Variants in PRR16 observed in about 807,000 individuals in gnomAD.
The protein encoded by PRR16 is proline rich 16.
In PRR16, 6 loss-of-function variants were observed where a neutral mutation model predicts 18.2. The observed-to-expected ratio is 0.33, with a 90% confidence interval of 0.18 to 0.65. The LOEUF (loss-of-function observed/expected upper bound fraction) is 0.65. Among genes scored for constraint, PRR16 ranks in the 30% least tolerant of loss-of-function variants. The pLI is 0.74. For synonymous variants in PRR16, 151 were observed against 147.8 expected, an observed-to-expected ratio of 1.02 and a Z score of -0.16; for missense variants, 412 against 376.6, an observed-to-expected ratio of 1.09 and a Z score of -0.78.
At chr5:120,501,955 C>CAAAAA (rs548770948) in intron 1 of PRR16, among the ~76,000 whole-genome samples, 14 of 44,062 alleles carry the variant, frequency 3.2e-4, no homozygotes, top group Non-Finnish European at 4.0e-4. Context: ...TACTCCGTCT[C>CAAAAA]AAAAAAAAAA....
intron 1 of PRR16, among the ~76,000 whole-genome samples, chr5:120,631,731 C>A (rs956965402): frequency 1.3e-5 from 2 of 152,086 alleles, no homozygotes; most frequent in African/African-American, 4.8e-5. Flanking sequence ...ATCCCTGCCC[C>A]GACCTGATGG....
At chr5:120,532,280 A>G (rs898126142) in intron 1 of PRR16, among the ~76,000 whole-genome samples, 2 of 152,136 alleles carry the variant, frequency 1.3e-5, no homozygotes, top group African/African-American at 4.8e-5. Flanking sequence ...TTACTTATAT[A>G]TAGTTTCTTT....
the PRR16 span, among the ~76,000 whole-genome samples, chr5:120,717,824 G>A: frequency 6.6e-6 from 1 of 152,040 alleles, no homozygotes; most frequent in Non-Finnish European, 1.5e-5. Context: ...ATGTCAGAAC[G>A]AAAACTTTAT....
chr5:120,537,769 GT>G (rs71623210), intron 1 of PRR16, among the ~76,000 whole-genome samples: 74,085 of 114,660 alleles, frequency 0.65, 23,548 homozygotes, highest in East Asian at 0.78. Flanking sequence ...AATTTTTAAT[GT>G]TTTTTTTTTT....
the PRR16 span, among the ~76,000 whole-genome samples, chr5:120,714,054 T>C: frequency 6.6e-6 from 1 of 152,068 alleles, no homozygotes; most frequent in Non-Finnish European, 1.5e-5. Context: ...TAAGGAAAAA[T>C]TCTGTAATGT....
At chr5:120,730,993 G>A in the PRR16 span, among the ~76,000 whole-genome samples, 5 of 152,146 alleles carry the variant, frequency 3.3e-5, no homozygotes, top group East Asian at 9.7e-4. Flanking sequence ...TGAATATTGA[G>A]GAGTATGATT....
At chr5:120,678,057 C>T (rs955796661) in intron 1 of PRR16, among the ~76,000 whole-genome samples, 7 of 151,778 alleles carry the variant, frequency 4.6e-5, no homozygotes, top group South Asian at 2.1e-4. Context: ...CTACAGGCGC[C>T]GGCCACCACG....
downstream of PRR16, among the ~76,000 whole-genome samples, chr5:120,690,192 C>T (rs1442273558): frequency 6.6e-6 from 1 of 152,140 alleles, no homozygotes; most frequent in Non-Finnish European, 1.5e-5. Context: ...ACTAGAGCAG[C>T]AGCTACTCAC....
chr5:120,542,015 A>C (rs773770235), intron 1 of PRR16, among the ~76,000 whole-genome samples: 11 of 152,064 alleles, frequency 7.2e-5, no homozygotes, highest in Non-Finnish European at 1.2e-4. Context: ...TGTTGAAACC[A>C]AATGATTGAC....
intron 1 of PRR16, among the ~76,000 whole-genome samples, chr5:120,675,175 T>G (rs537945084): frequency 6.6e-6 from 1 of 152,316 alleles, no homozygotes; most frequent in Admixed American, 6.5e-5. Context: ...TCTTCCCACA[T>G]ATGGAGCAAG....
chr5:120,646,444 C>T (rs556279941), intron 1 of PRR16, among the ~76,000 whole-genome samples: 14 of 151,868 alleles, frequency 9.2e-5, no homozygotes, highest in Admixed American at 2.0e-4. Context: ...GTACAGGGAC[C>T]GTCATTAGCA....
At chr5:120,642,008 C>G (rs1288860759) in intron 1 of PRR16, among the ~76,000 whole-genome samples, 1 of 152,044 alleles carries the variant, frequency 6.6e-6, no homozygotes, top group Non-Finnish European at 1.5e-5. Flanking sequence ...CAGGTGCCTT[C>G]TGTAGCCTTC....
At chr5:120,780,591 C>A in the PRR16 span, among the ~76,000 whole-genome samples, 1 of 152,154 alleles carries the variant, frequency 6.6e-6, no homozygotes, top group African/African-American at 2.4e-5. Flanking sequence ...AATAATATTA[C>A]AATTTTTTCA....
At chr5:120,689,327 C>T (rs375130711), downstream of PRR16, among the ~76,000 whole-genome samples, 86 of 152,188 alleles carry the variant, frequency 5.7e-4, no homozygotes, top group African/African-American at 2.0e-3. Flanking sequence ...AAGCAATTAA[C>T]ATACAGCTTC....
At chr5:120,711,918 G>A in the PRR16 span, among the ~76,000 whole-genome samples, 1 of 152,112 alleles carries the variant, frequency 6.6e-6, no homozygotes, top group Non-Finnish European at 1.5e-5. Context: ...TGAAGTGAGA[G>A]AAAAGGCAAT....
the PRR16 span, among the ~76,000 whole-genome samples, chr5:120,762,067 A>G: frequency 1.4e-4 from 22 of 152,160 alleles, no homozygotes; most frequent in African/African-American, 5.1e-4. Flanking sequence ...TTTTATGGCT[A>G]TTATTCCACT....
intron 1 of PRR16, among the ~76,000 whole-genome samples, chr5:120,619,079 A>G (rs1005764909): frequency 1.3e-5 from 2 of 152,180 alleles, no homozygotes; most frequent in Non-Finnish European, 2.9e-5. Flanking sequence ...GCATAGATTG[A>G]TAACTCATGT....
At chr5:120,471,460 T>G (rs1749266073) in intron 1 of PRR16, among the ~76,000 whole-genome samples, 1 of 152,142 alleles carries the variant, frequency 6.6e-6, no homozygotes, top group Non-Finnish European at 1.5e-5. Flanking sequence ...GTTTGAGGTT[T>G]GACAGTTCTC....
chr5:120,720,729 A>G, the PRR16 span, among the ~76,000 whole-genome samples: 2 of 152,056 alleles, frequency 1.3e-5, no homozygotes, highest in Non-Finnish European at 2.9e-5. Flanking sequence ...AAATTTTATT[A>G]TATTTGTATG....
Sources: allele counts gnomAD v4.1 joint callset (sites outside exome capture counted in the v4.1 genomes callset), GRCh38; gene constraint gnomAD v4.1.1; transcripts MANE v1.5; gene names NCBI Gene and HGNC (gene_info 2026-07-23, HGNC 2026-07-21).